SFMBT1: variants seen among roughly 807,000 people sequenced by gnomAD.
SFMBT1 encodes scm-like with four MBT domains protein 1.
A neutral mutation model predicts 108.7 loss-of-function variants in SFMBT1; 32 were observed. The ratio of observed to expected loss-of-function variants is 0.29; its 90% CI spans 0.22 to 0.40. The LOEUF (loss-of-function observed/expected upper bound fraction) is 0.40, where lower values mean the gene tolerates loss of function less well. Ranked by LOEUF, SFMBT1 falls within the 10% of genes least tolerant of loss-of-function variation. The pLI is 1.00. For synonymous variants in SFMBT1, 348 were observed against 369.5 expected, an observed-to-expected ratio of 0.94 and a Z score of 0.67; for missense variants, 816 against 1,059.6, an observed-to-expected ratio of 0.77 and a Z score of 3.19.
intron 1 of SFMBT1, among the ~76,000 whole-genome samples, chr3:52,989,359 C>T (rs996605575): frequency 2.7e-5 from 4 of 150,308 alleles, no homozygotes; most frequent in African/African-American, 4.9e-5. Flanking sequence ...GGTGTGTGAA[C>T]CCGGGAGCCA....
At chr3:53,020,199 G>T (rs2106941392) in intron 1 of SFMBT1, among the ~76,000 whole-genome samples, 1 of 152,170 alleles carries the variant, frequency 6.6e-6, no homozygotes, top group Admixed American at 6.5e-5. Flanking sequence ...GACCAGTCTG[G>T]CCAACATGGT....
At chr3:53,025,048 T>A (rs1699441637) in intron 1 of SFMBT1, among the ~76,000 whole-genome samples, 1 of 152,152 alleles carries the variant, frequency 6.6e-6, no homozygotes. Flanking sequence ...CTTTTAATAT[T>A]TTTATATAAG....
intron 1 of SFMBT1, among the ~76,000 whole-genome samples, chr3:52,975,890 T>C (rs768050552): frequency 1.5e-4 from 22 of 151,212 alleles, no homozygotes; most frequent in Non-Finnish European, 3.1e-4. Context: ...ATTACAGGCA[T>C]GAGCCACAAC....
At chr3:52,910,901 G>C (rs983302397) in intron 17 of SFMBT1, 102 bp downstream of exon 17, 6 of 958,042 alleles carry the variant, frequency 6.3e-6, no homozygotes, top group Non-Finnish European at 9.8e-6. Flanking sequence ...GAAGAAGTTC[G>C]TGTGCCTCTG....
chr3:52,907,774 T>C, intron 17 of SFMBT1, 41 bp from the exon 18 acceptor site: 1 of 1,553,218 alleles, frequency 6.4e-7, no homozygotes, highest in Non-Finnish European at 8.7e-7. Context: ...AGCTTCATTA[T>C]TTTTGTGTAC....
intron 2 of SFMBT1, among the ~76,000 whole-genome samples, chr3:52,957,079 G>A (rs1407697353): frequency 6.6e-6 from 1 of 152,054 alleles, no homozygotes; most frequent in Non-Finnish European, 1.5e-5. Context: ...AAACCCCATC[G>A]CTTCAGCCCA....
intron 3 of SFMBT1, among the ~76,000 whole-genome samples, chr3:52,949,476 G>C (rs1365533820): frequency 2.0e-5 from 3 of 149,778 alleles, no homozygotes; most frequent in African/African-American, 7.4e-5. Flanking sequence ...TTTGACTTGC[G>C]TATTTTTACA....
At chr3:52,911,942 C>T (rs944422083) in intron 16 of SFMBT1, among the ~76,000 whole-genome samples, 11 of 152,198 alleles carry the variant, frequency 7.2e-5, no homozygotes, top group East Asian at 5.8e-4. Context: ...TCAGGTGATC[C>T]GCCCACCTCA....
intron 16 of SFMBT1, 26 bp downstream of exon 16, chr3:52,912,512 A>C: frequency 6.3e-7 from 1 of 1,577,592 alleles, no homozygotes. Context: ...GTAAAAGTAA[A>C]GAGTAAAAAC....
rs563267330 is a variant in SFMBT1 at position 52,969,390 on chromosome 3, G to A, written c.-130-132C>T. 5.8e-5 allele frequency: 48 copies of A among 826,930 alleles called. No individual in the cohort carries two copies. The South Asian group carries it at 8.2e-4, about 14-fold the overall frequency. 51.2% of individuals were successfully genotyped at this position (826,930 alleles called of 1,614,324 possible). The stretch of plus-strand genomic sequence containing the variant: ...TACTGGCAGAATAGATAGGACTGGA[G>A]GAAAAAATTGATACCTTTTCTAATT... On this transcript the variant is annotated intron_variant, in intron 1 of 20. Coordinates refer to ENST00000394752, the MANE Select transcript of SFMBT1 (RefSeq NM_016329.4).
Position 52,999,152 on chromosome 3 carries a change from G to A in SFMBT1, c.-130-29894C>T, listed in dbSNP as rs932904700. Among the ~76,000 whole-genome samples, 14 of 150,850 alleles carry A rather than the reference G, an allele frequency of 9.3e-5. 2 individuals carry two copies. Among genetic ancestry groups the A allele is most frequent in the Admixed American group, 6.0e-4 (9 of 15,054 alleles). On this transcript the variant is annotated intron_variant, in intron 1 of 20. Transcript: ENST00000394752. ...GGCCGTCATGGAGATCCAGGCCTTC[G>A]CCAACAGCGGCCTGTTCTGGTGCAA...
chr3:53,011,379 T>C (rs930859612), intron 1 of SFMBT1, among the ~76,000 whole-genome samples: 5 of 152,078 alleles, frequency 3.3e-5, no homozygotes, highest in Non-Finnish European at 4.4e-5. Context: ...TCTGCTGGCA[T>C]AGATAACGAG....
In SFMBT1 at chr3:52,960,992, A is replaced by T. The variant is rs188199093; in HGVS notation, c.29-6581T>A. Among the ~76,000 whole-genome samples the T allele has an allele frequency of 6.6e-4, 100 of 152,344 alleles. 3 individuals are homozygous for T. Among genetic ancestry groups the T allele is most frequent in the Admixed American group, 5.7e-3 (88 of 15,306 alleles). ...GTCTACAAAAATATTTTTAAAAGTAAGCTGAGCATGGTGGTGAGTGGCTGT... is the reference window on the plus strand; with the variant it reads ...GTCTACAAAAATATTTTTAAAAGTATGCTGAGCATGGTGGTGAGTGGCTGT... On this transcript the variant is annotated intron_variant, in intron 2 of 20. Coordinates refer to ENST00000394752, the MANE Select transcript of SFMBT1 (RefSeq NM_016329.4).
At chr3:52,986,944 T>A (rs1222436208) in intron 1 of SFMBT1, among the ~76,000 whole-genome samples, 2 of 151,972 alleles carry the variant, frequency 1.3e-5, no homozygotes, top group Admixed American at 1.3e-4. Flanking sequence ...CATCTCAAAA[T>A]ATATATATTT....
chr3:52,944,132 T>G (rs533024480), intron 3 of SFMBT1, among the ~76,000 whole-genome samples: 2 of 152,360 alleles, frequency 1.3e-5, no homozygotes, highest in South Asian at 4.1e-4. Flanking sequence ...AGATGAAACA[T>G]TATATGGTCA....
chr3:53,042,550 T>C (rs1374956315), intron 1 of SFMBT1, among the ~76,000 whole-genome samples: 2 of 152,056 alleles, frequency 1.3e-5, no homozygotes, highest in Non-Finnish European at 2.9e-5. Flanking sequence ...TTTTCTTTCA[T>C]CCAGGCTGGC....
At chr3:53,027,155 T>A (rs1011110767) in intron 1 of SFMBT1, among the ~76,000 whole-genome samples, 1 of 152,234 alleles carries the variant, frequency 6.6e-6, no homozygotes. Context: ...TATTAAGACC[T>A]GAAATTTTTA....
intron 1 of SFMBT1, among the ~76,000 whole-genome samples, chr3:53,022,372 C>A (rs1390167598): frequency 6.6e-6 from 1 of 151,018 alleles, no homozygotes; most frequent in Non-Finnish European, 1.5e-5. Flanking sequence ...ACTGCTTGGG[C>A]CCAGGAGGTA....
chr3:52,928,129 T>G, intron 9 of SFMBT1, 62 bp downstream of exon 9: 1 of 1,569,998 alleles, frequency 6.4e-7, no homozygotes, highest in Non-Finnish European at 8.7e-7. Context: ...CAATGCCATC[T>G]GACATGTCTC....
Sources: allele counts gnomAD v4.1 joint callset (sites outside exome capture counted in the v4.1 genomes callset), GRCh38; gene constraint gnomAD v4.1.1; transcripts MANE v1.5; gene names NCBI Gene and HGNC (gene_info 2026-07-23, HGNC 2026-07-21).